The following PLS1 variants were observed in gnomAD, a reference collection of about 807,000 sequenced individuals.
PLS1 encodes plastin-1.
Under a neutral mutation model 73.7 loss-of-function variants are expected in PLS1, and 32 were observed. That is an observed-to-expected ratio of 0.43 (90% CI 0.33 to 0.58). The LOEUF (loss-of-function observed/expected upper bound fraction) is 0.58, where lower values mean the gene tolerates loss of function less well. PLS1 is among the 20% of genes least tolerant of loss of function. PLS1 has a pLI of 0.04. For synonymous variants in PLS1, 217 were observed against 261.3 expected (o/e 0.83, Z 1.63); for missense variants, 633 against 740.5 (o/e 0.85, Z 1.68).
Position 142,640,711 on chromosome 3 carries a change from G to A in PLS1, c.-36-23491G>A, listed in dbSNP as rs4683426. Among the ~76,000 whole-genome samples, 1,496 of 152,242 alleles carry A rather than the reference G, an allele frequency of 9.8e-3. 8 individuals are homozygous for A. The highest frequency in any genetic ancestry group is 0.045 in the Middle Eastern group (13 of 292). On this transcript the variant is annotated intron_variant, in intron 1 of 15. Transcript: ENST00000457734. The stretch of plus-strand genomic sequence containing the variant: ...TCAGTTTGATTGCAGCATGTGGTAC[G>A]GAGTGTGTGGTTGGGTGGTGTCTGA...
At chr3:142,602,465 C>T (rs2035944007) in intron 1 of PLS1, among the ~76,000 whole-genome samples, 1 of 152,076 alleles carries the variant, frequency 6.6e-6, no homozygotes, top group Non-Finnish European at 1.5e-5. Context: ...CATAAACCCC[C>T]AGGAAGAATC....
chr3:142,634,243 G>C (rs555104102), intron 1 of PLS1, among the ~76,000 whole-genome samples: 1 of 152,290 alleles, frequency 6.6e-6, no homozygotes, highest in South Asian at 2.1e-4. Context: ...GGGAGGAACA[G>C]AAGAAATATT....
At chr3:142,624,716 C>T (rs780330617) in intron 1 of PLS1, among the ~76,000 whole-genome samples, 3 of 152,200 alleles carry the variant, frequency 2.0e-5, no homozygotes, top group African/African-American at 4.8e-5. Context: ...CTTACTTGTA[C>T]GCACCATAGA....
chr3:142,648,648 C>T (rs1308505288), intron 1 of PLS1, among the ~76,000 whole-genome samples: 4 of 152,174 alleles, frequency 2.6e-5, no homozygotes, highest in African/African-American at 9.6e-5. Context: ...AATGTTCCTA[C>T]ATAAGGTTTA....
chr3:142,609,096 A>G (rs564050588), intron 1 of PLS1, among the ~76,000 whole-genome samples: 1 of 152,352 alleles, frequency 6.6e-6, no homozygotes, highest in South Asian at 2.1e-4. Context: ...TGTCTGAGGA[A>G]GGTTTGGAAA....
intron 1 of PLS1, among the ~76,000 whole-genome samples, chr3:142,596,722 C>T (rs1210418254): frequency 6.6e-6 from 1 of 152,208 alleles, no homozygotes; most frequent in Non-Finnish European, 1.5e-5. Flanking sequence ...GGTGTTAAAT[C>T]GCGTATTTAC....
intron 8 of PLS1, 93 bp downstream of exon 8, chr3:142,684,488 CAAG>C (rs2037923048): frequency 4.0e-6 from 4 of 999,512 alleles, no homozygotes; most frequent in East Asian, 5.1e-5. Context: ...ATTAAATTCA[CAAG>C]AACACTTGGG....
chr3:142,661,487 A>C (rs2037368463), intron 1 of PLS1, among the ~76,000 whole-genome samples: 1 of 152,204 alleles, frequency 6.6e-6, no homozygotes, highest in Admixed American at 6.5e-5. Flanking sequence ...AAGAACACCA[A>C]AATTCCTGAA....
rs117989529 is a variant in PLS1 at position 142,613,203 on chromosome 3, C to T, written c.-37+16694C>T. On this transcript the variant is annotated intron_variant, in intron 1 of 15. Transcript: ENST00000457734. Reference sequence around the variant, plus strand: ...TTTAAGTTCTGGGCTTAGGGCTGGGCGCCGTGGTTCACGCCTGTAATCCCA... The same window carrying T: ...TTTAAGTTCTGGGCTTAGGGCTGGGTGCCGTGGTTCACGCCTGTAATCCCA... Among the ~76,000 whole-genome samples, 46 of 152,198 alleles carry T rather than the reference C, an allele frequency of 3.0e-4. No individual in the cohort carries two copies. In the East Asian group the frequency reaches 3.9e-3, roughly 13 times the overall value.
chr3:142,662,964 C>T (rs1015186277), intron 1 of PLS1, among the ~76,000 whole-genome samples: 1 of 152,116 alleles, frequency 6.6e-6, no homozygotes, highest in Non-Finnish European at 1.5e-5. Context: ...AATCCCAGCA[C>T]GTTGGGCGGC....
intron 1 of PLS1, among the ~76,000 whole-genome samples, chr3:142,598,843 A>G (rs1172033083): frequency 6.6e-6 from 1 of 152,016 alleles, no homozygotes; most frequent in African/African-American, 2.4e-5. Flanking sequence ...TAAAAATACA[A>G]AAAATTAGCT....
Position 142,713,289 on chromosome 3 carries a change from C to T in PLS1, c.*1282C>T, listed in dbSNP as rs1408529019. 6.6e-6 allele frequency: 1 copy of T among 152,546 alleles called. No homozygotes were observed. Among genetic ancestry groups the T allele is most frequent in the East Asian group, 1.9e-4 (1 of 5,200 alleles). The allele number at this position is 152,546 out of a possible 1,614,324, so 9.4% of individuals were successfully genotyped here. On this transcript the variant is annotated 3_prime_UTR_variant, in exon 16 of 16. Transcript: ENST00000457734. ...AGTGCCAGTGAGCAATACTGTTGTG[C>T]AACAAAAATGTCACTTTATCTCAGT...
intron 6 of PLS1, among the ~76,000 whole-genome samples, chr3:142,682,766 T>TA (rs1171128642): frequency 6.6e-6 from 1 of 152,204 alleles, no homozygotes; most frequent in Admixed American, 6.5e-5. Context: ...TAAGGTAACT[T>TA]AAAAAACATT....
At chr3:142,646,112 A>G (rs938510215) in intron 1 of PLS1, among the ~76,000 whole-genome samples, 11 of 152,202 alleles carry the variant, frequency 7.2e-5, no homozygotes, top group Non-Finnish European at 1.3e-4. Context: ...CTTTAATTCT[A>G]AAGTGCGAAC....
intron 12 of PLS1, among the ~76,000 whole-genome samples, chr3:142,702,256 A>G (rs2038347045): frequency 6.6e-6 from 1 of 152,202 alleles, no homozygotes; most frequent in Admixed American, 6.5e-5. Context: ...TATATCAAAC[A>G]TTTTATTCAA....
At position 142,671,060 on chromosome 3, in the gene PLS1, G is replaced by A; in HGVS notation, c.302G>A (p.Gly101Glu). The stretch of plus-strand genomic sequence containing the variant: ...CGAAAAATAATTAACAAGAGGGAAG[G>A]GATTACTGCTATTGGAGGAACTTCA... The part of the protein sequence containing the change: ...TFRKIINKRE[G>E]ITAIGGTSTI... The change falls in exon 4 of 16, where the codon GGG becomes GAG. Residue 101 changes from glycine (G) to glutamate (E), a missense_variant. Gly to Glu is a moderately conservative substitution (Grantham distance 98). Transcript: ENST00000457734. 6.2e-7 allele frequency: 1 copy of A among 1,604,938 alleles called. No individual in the cohort carries two copies. The highest frequency in any genetic ancestry group is 8.5e-7 in the Non-Finnish European group (1 of 1,172,246).
At chr3:142,692,961 T>A (rs997528529) in intron 10 of PLS1, among the ~76,000 whole-genome samples, 2 of 152,132 alleles carry the variant, frequency 1.3e-5, no homozygotes, top group African/African-American at 2.4e-5. Context: ...GTTCATAGAT[T>A]TAATTTGTAC....
At chr3:142,658,512 T>C (rs2037292522) in intron 1 of PLS1, among the ~76,000 whole-genome samples, 1 of 150,790 alleles carries the variant, frequency 6.6e-6, no homozygotes, top group South Asian at 2.1e-4. Context: ...GATTCAGCCC[T>C]ACCCTGCAAG....
chr3:142,617,730 C>G (rs774073029), intron 1 of PLS1, among the ~76,000 whole-genome samples: 12 of 152,096 alleles, frequency 7.9e-5, no homozygotes, highest in Non-Finnish European at 1.6e-4. Context: ...ATAATCCTAG[C>G]ACTTTGGGAG....
Sources: gnomAD v4.1 joint callset for allele counts (sites outside exome capture counted in the v4.1 genomes callset) on GRCh38, gnomAD v4.1.1 for gene constraint, MANE v1.5 for transcripts, NCBI Gene and HGNC (gene_info 2026-07-23, HGNC 2026-07-21) for gene names.